Variants in TULP4 observed in about 807,000 individuals in gnomAD.
TULP4 encodes the protein tubby-related protein 4.
In TULP4, 16 loss-of-function variants were observed where a neutral mutation model predicts 129.0. The ratio of observed to expected loss-of-function variants is 0.12; its 90% CI spans 0.08 to 0.19. The LOEUF is 0.19. TULP4 is among the 10% of genes least tolerant of loss of function. TULP4 has a pLI of 1.00. For synonymous variants in TULP4, 998 were observed against 854.0 expected (o/e 1.17, Z -2.94); for missense variants, 1,842 against 2,059.1 (o/e 0.89, Z 2.04).
chr6:158,279,582 T>C (rs1346943626), upstream of TULP4, among the ~76,000 whole-genome samples: 1 of 152,188 alleles, frequency 6.6e-6, no homozygotes, highest in Non-Finnish European at 1.5e-5. Context: ...GTACAAAAAT[T>C]AGTTTCAAAT....
chr6:158,249,085 G>A (rs1778088388), intron 1 of TULP4, among the ~76,000 whole-genome samples: 1 of 122,072 alleles, frequency 8.2e-6, no homozygotes, highest in Non-Finnish European at 1.7e-5. Context: ...GTGAGACCCT[G>A]TCTCAAAAAA....
chr6:158,347,236 T>C (rs1369922041), intron 1 of TULP4, among the ~76,000 whole-genome samples: 1 of 152,232 alleles, frequency 6.6e-6, no homozygotes, highest in Non-Finnish European at 1.5e-5. Context: ...TATAATTAAC[T>C]GAAAAGTAGA....
At chr6:158,442,651 A>T (rs1310621070) in intron 3 of TULP4, among the ~76,000 whole-genome samples, 1 of 152,070 alleles carries the variant, frequency 6.6e-6, no homozygotes, top group Admixed American at 6.6e-5. Flanking sequence ...CATTCAATGT[A>T]TATTTAAATG....
intron 1 of TULP4, among the ~76,000 whole-genome samples, chr6:158,299,475 C>T (rs1275691516): frequency 6.6e-6 from 1 of 152,144 alleles, no homozygotes; most frequent in Non-Finnish European, 1.5e-5. Context: ...ATTACTCCCC[C>T]TTTCATTTGT....
At chr6:158,374,313 A>T (rs1777136965) in intron 1 of TULP4, among the ~76,000 whole-genome samples, 1 of 151,858 alleles carries the variant, frequency 6.6e-6, no homozygotes, top group African/African-American at 2.4e-5. Flanking sequence ...AAAAAACAAG[A>T]AGTAAATAGC....
intron 1 of TULP4, among the ~76,000 whole-genome samples, chr6:158,244,727 C>T (rs539188316): frequency 7.9e-5 from 12 of 152,170 alleles, no homozygotes; most frequent in Non-Finnish European, 1.8e-4. Context: ...CATGGTGGCT[C>T]ATGCCTGTAG....
At chr6:158,336,549 A>G (rs1780038594) in intron 1 of TULP4, among the ~76,000 whole-genome samples, 1 of 152,196 alleles carries the variant, frequency 6.6e-6, no homozygotes, top group Non-Finnish European at 1.5e-5. Context: ...AGCTTAGAAA[A>G]AGACTCAGAA....
intron 1 of TULP4, among the ~76,000 whole-genome samples, chr6:158,352,331 G>C (rs1780543919): frequency 6.6e-6 from 1 of 152,140 alleles, no homozygotes; most frequent in African/African-American, 2.4e-5. Flanking sequence ...TCAAGTTTTA[G>C]TTTCTACTTT....
At chr6:158,423,192 G>A (rs1003993714) in intron 2 of TULP4, among the ~76,000 whole-genome samples, 2 of 151,066 alleles carry the variant, frequency 1.3e-5, no homozygotes, top group African/African-American at 4.9e-5. Flanking sequence ...AATAACTCCT[G>A]CAACGTAAGT....
chr6:158,288,777 G>A (rs567129029), intron 1 of TULP4, among the ~76,000 whole-genome samples: 1 of 152,328 alleles, frequency 6.6e-6, no homozygotes, highest in East Asian at 1.9e-4. Flanking sequence ...TGGGATTACA[G>A]GCGTGAGCCA....
chr6:158,241,036 G>A (rs1382287999), intron 1 of TULP4, among the ~76,000 whole-genome samples: 3 of 138,150 alleles, frequency 2.2e-5, no homozygotes, highest in Admixed American at 7.5e-5. Context: ...CAGATGGGGC[G>A]GCCGGGTAGA....
intron 3 of TULP4, among the ~76,000 whole-genome samples, chr6:158,436,376 G>A (rs1554291187): frequency 6.6e-6 from 1 of 152,226 alleles, no homozygotes; most frequent in Non-Finnish European, 1.5e-5. Flanking sequence ...TGACCAGAAT[G>A]TATCACTTGA....
At chr6:158,447,562 G>A (rs1300845822) in intron 3 of TULP4, among the ~76,000 whole-genome samples, 1 of 152,114 alleles carries the variant, frequency 6.6e-6, no homozygotes, top group Non-Finnish European at 1.5e-5. Context: ...ATTGCCTTTT[G>A]CTTGTCACTG....
chr6:158,385,111 C>T (rs529336498), intron 1 of TULP4, among the ~76,000 whole-genome samples: 23 of 152,160 alleles, frequency 1.5e-4, no homozygotes, highest in African/African-American at 5.3e-4. Context: ...TGTAGGTTCC[C>T]GTTACTGAGT....
chr6:158,477,864 C>A (rs997820923), intron 6 of TULP4, among the ~76,000 whole-genome samples: 2 of 152,188 alleles, frequency 1.3e-5, no homozygotes, highest in Admixed American at 1.3e-4. Context: ...CCTAAATGCC[C>A]ATCAGCAGTA....
At chr6:158,264,736 C>T (rs1322985498) in intron 1 of TULP4, among the ~76,000 whole-genome samples, 4 of 152,112 alleles carry the variant, frequency 2.6e-5, no homozygotes, top group East Asian at 1.9e-4. Context: ...TTGGGAGCAC[C>T]GCATGTGGGT....
rs192536179 is a variant in TULP4, at chr6:158,345,727, G to A, written c.252+31459G>A. 9.7e-4 allele frequency among the ~76,000 whole-genome samples: 148 copies of A among 152,294 alleles called. 1 individual carries two copies. Among genetic ancestry groups the A allele is most frequent in the African/African-American group, 3.3e-3 (138 of 41,562 alleles). On this transcript the variant is annotated intron_variant, in intron 1 of 13. Transcript: ENST00000367097. ...TTACTGATAAGAATGTATTTTCAGC[G>A]GTGCACGTATTGTCTTGATAAACAT...
intron 1 of TULP4, among the ~76,000 whole-genome samples, chr6:158,262,844 T>A (rs1778374814): frequency 6.6e-6 from 1 of 152,186 alleles, no homozygotes; most frequent in Non-Finnish European, 1.5e-5. Flanking sequence ...ATTTTGGAAT[T>A]GTTTTGCTTT....
intron 6 of TULP4, among the ~76,000 whole-genome samples, chr6:158,470,047 T>C (rs373657750): frequency 2.6e-5 from 4 of 152,108 alleles, no homozygotes; most frequent in African/African-American, 9.7e-5. Flanking sequence ...TTAGAAGTCG[T>C]GGGTCACGGA....
Sources: gnomAD v4.1 joint callset for allele counts (sites outside exome capture counted in the v4.1 genomes callset) on GRCh38, gnomAD v4.1.1 for gene constraint, MANE v1.5 for transcripts, NCBI Gene and HGNC (gene_info 2026-07-23, HGNC 2026-07-21) for gene names.